PCDHA6: variants seen among roughly 807,000 people sequenced by gnomAD.
The protein encoded by PCDHA6 is protocadherin alpha-6.
A neutral mutation model predicts 60.3 loss-of-function variants in PCDHA6; 55 were observed. That is an observed-to-expected ratio of 0.91 (90% CI 0.73 to 1.14). The LOEUF is 1.14. Among genes scored for constraint, PCDHA6 ranks in the 50% most tolerant of loss-of-function variants. The probability of loss-of-function intolerance (pLI) is 0.00; values close to 1 mark genes in which losing one functional copy is unlikely to be tolerated. For missense variants in PCDHA6, 1,327 were observed against 1,256.5 expected (o/e 1.06, Z -0.85); for synonymous variants, 652 against 557.9 (o/e 1.17, Z -2.38).
chr5:140,887,941 A>C (rs529131971), intron 1 of PCDHA6, among the ~76,000 whole-genome samples: 25 of 152,194 alleles, frequency 1.6e-4, no homozygotes, highest in Admixed American at 7.8e-4. Flanking sequence ...TTTATTTCTT[A>C]TCTGTATAAG....
chr5:140,946,611 AATATATATAT>A (rs1554217734), intron 1 of PCDHA6, among the ~76,000 whole-genome samples: 3 of 86,806 alleles, frequency 3.5e-5, no homozygotes, highest in African/African-American at 1.3e-4. Flanking sequence ...GAAAATGTGA[AATATATATAT>A]ATATATATAT....
intron 1 of PCDHA6, chr5:140,876,480 C>A (rs368324550): frequency 6.2e-7 from 1 of 1,613,992 alleles, no homozygotes; most frequent in Non-Finnish European, 8.5e-7. Context: ...ACAGCATGGT[C>A]CTGGTGGAAG....
intron 1 of PCDHA6, 22 bp downstream of exon 1, chr5:140,830,507 A>G (rs1226848199): frequency 1.4e-6 from 2 of 1,423,508 alleles, no homozygotes; most frequent in Non-Finnish European, 1.9e-6. Context: ...TTCATAATTA[A>G]CAGTTAATTT....
At chr5:140,905,880 A>G (rs1485985374) in intron 1 of PCDHA6, among the ~76,000 whole-genome samples, 4 of 152,172 alleles carry the variant, frequency 2.6e-5, no homozygotes, top group Non-Finnish European at 1.5e-5. Flanking sequence ...AGGCCCAACA[A>G]TAGGCCATCT....
At chr5:140,981,748 G>C (rs975887463) in intron 2 of PCDHA6, among the ~76,000 whole-genome samples, 28 of 151,686 alleles carry the variant, frequency 1.8e-4, no homozygotes, top group African/African-American at 6.8e-4. Context: ...ATATGAGTTA[G>C]TATTAGACAT....
intron 1 of PCDHA6, among the ~76,000 whole-genome samples, chr5:140,961,949 T>G (rs868952671): frequency 2.0e-5 from 3 of 151,876 alleles, no homozygotes; most frequent in Non-Finnish European, 4.4e-5. Context: ...AGTGGCATGA[T>G]CTCGGCTCAC....
At chr5:140,850,181 G>A (rs2150471604) in intron 1 of PCDHA6, 2 of 1,593,852 alleles carry the variant, frequency 1.3e-6, no homozygotes, top group East Asian at 2.2e-5. Context: ...ACGACAATGC[G>A]CCGGCGCTGC....
chr5:140,980,239 A>G (rs1453927657), intron 2 of PCDHA6, among the ~76,000 whole-genome samples: 1 of 152,230 alleles, frequency 6.6e-6, no homozygotes, highest in Non-Finnish European at 1.5e-5. Flanking sequence ...TGGTGGAGAC[A>G]TGCAATGGGT....
At chr5:140,959,585 C>A (rs1363843588) in intron 1 of PCDHA6, among the ~76,000 whole-genome samples, 1 of 152,004 alleles carries the variant, frequency 6.6e-6, no homozygotes, top group Non-Finnish European at 1.5e-5. Context: ...TCAATTCTAT[C>A]AGCCAAGTAT....
At chr5:140,963,198 A>G (rs2095745338) in intron 1 of PCDHA6, among the ~76,000 whole-genome samples, 1 of 151,784 alleles carries the variant, frequency 6.6e-6, no homozygotes, top group South Asian at 2.1e-4. Context: ...GTGAAAATGA[A>G]AAAAAAAACC....
Position 140,850,298 on chromosome 5 carries a change from G to C in PCDHA6, c.2394+19813G>C, listed in dbSNP as rs200693140. ...AGGTGCGCGCAGTGGACGCCGACTCGGGCTACAACGCGTGGCTTTCATACG... is the reference window on the plus strand; with the variant it reads ...AGGTGCGCGCAGTGGACGCCGACTCCGGCTACAACGCGTGGCTTTCATACG... On this transcript the variant is annotated intron_variant, in intron 1 of 3. Coordinates refer to ENST00000529310, the MANE Select transcript of PCDHA6 (RefSeq NM_018909.4). The C allele has an allele frequency of 4.2e-5, 67 of 1,596,354 alleles. 8 individuals are homozygous for C. Among genetic ancestry groups the C allele is most frequent in the Middle Eastern group, 3.9e-4 (2 of 5,190 alleles).
chr5:140,964,556 G>A (rs2095839745), intron 1 of PCDHA6, among the ~76,000 whole-genome samples: 1 of 152,166 alleles, frequency 6.6e-6, no homozygotes. Context: ...GCGACTTGGA[G>A]GGCTGGGAGG....
intron 1 of PCDHA6, among the ~76,000 whole-genome samples, chr5:140,839,736 C>T (rs1046330688): frequency 6.6e-6 from 1 of 151,778 alleles, no homozygotes; most frequent in African/African-American, 2.4e-5. Context: ...CAGAAAATAC[C>T]CTTATTTGCC....
At chr5:140,956,331 C>T (rs1554222358) in intron 1 of PCDHA6, among the ~76,000 whole-genome samples, 1 of 152,064 alleles carries the variant, frequency 6.6e-6, no homozygotes, top group Non-Finnish European at 1.5e-5. Flanking sequence ...TCCTTCAATA[C>T]CTAGTTTATT....
chr5:140,852,688 T>G, intron 1 of PCDHA6: 1 of 971,908 alleles, frequency 1.0e-6, no homozygotes, highest in Non-Finnish European at 1.2e-6. Flanking sequence ...GAATATAGTC[T>G]TATACTTTCA....
intron 1 of PCDHA6, chr5:140,968,948 A>G (rs1554231262): frequency 2.5e-6 from 4 of 1,614,064 alleles, no homozygotes; most frequent in East Asian, 4.5e-5. Flanking sequence ...CATTTTGAGC[A>G]TCATCAAGTG....
intron 1 of PCDHA6, among the ~76,000 whole-genome samples, chr5:140,943,702 G>C (rs2153663732): frequency 6.6e-6 from 1 of 152,280 alleles, no homozygotes; most frequent in South Asian, 2.1e-4. Context: ...AAATATTGTG[G>C]AACACATTTA....
At chr5:140,998,380 A>G (rs921989792) in intron 3 of PCDHA6, among the ~76,000 whole-genome samples, 2 of 152,188 alleles carry the variant, frequency 1.3e-5, no homozygotes, top group African/African-American at 4.8e-5. Context: ...GTCTCTAGAA[A>G]GTTTAATGCC....
In PCDHA6 at chr5:141,011,833, C is replaced by T. The variant is rs1223674434; in HGVS notation, c.*1896C>T. 6.5e-6 allele frequency: 1 copy of T among 153,366 alleles called. No individual in the cohort carries two copies. Among genetic ancestry groups the T allele is most frequent in the Non-Finnish European group, 1.5e-5 (1 of 67,994 alleles). 9.5% of individuals were successfully genotyped at this position (153,366 alleles called of 1,614,324 possible). On this transcript the variant is annotated 3_prime_UTR_variant, in exon 4 of 4. Transcript: ENST00000529310. ...TAGAAAGTAACAAAATTTGCTGTCA[C>T]CTTAAATAAGACATTTTAATTTTGT...
Sources: allele counts gnomAD v4.1 joint callset (sites outside exome capture counted in the v4.1 genomes callset), GRCh38; gene constraint gnomAD v4.1.1; transcripts MANE v1.5; gene names NCBI Gene and HGNC (gene_info 2026-07-23, HGNC 2026-07-21).